Variants in DOCK1 observed in about 807,000 individuals in gnomAD.
DOCK1 encodes the protein dedicator of cytokinesis 1, also known as dedicator of cytokinesis protein 1.
In DOCK1, 138 loss-of-function variants were observed where a neutral mutation model predicts 262.7. That is an observed-to-expected ratio of 0.53 (90% CI 0.46 to 0.61). The LOEUF is 0.61. Ranked by LOEUF, DOCK1 falls within the 20% of genes least tolerant of loss-of-function variation. The probability of loss-of-function intolerance (pLI) is 0.00; values close to 1 mark genes in which losing one functional copy is unlikely to be tolerated. For synonymous variants in DOCK1, 866 were observed against 867.4 expected (o/e 1.00, Z 0.03); for missense variants, 1,908 against 2,370.7 (o/e 0.80, Z 4.05).
intron 27 of DOCK1, among the ~76,000 whole-genome samples, chr10:127,193,401 G>T (rs557546311): frequency 2.6e-5 from 4 of 152,158 alleles, no homozygotes; most frequent in African/African-American, 9.7e-5. Flanking sequence ...GTTAAAATCC[G>T]TGGTGAACCT....
Position 127,205,533 on chromosome 10 carries a change from G to A in DOCK1, c.2848-42475G>A, listed in dbSNP as rs554167809. ...TTGGCAACCACCCACTCTTGATGGC[G>A]TAAGTGGATGGAGGCAGGTGGCCAC... On this transcript the variant is annotated intron_variant, in intron 27 of 51. Transcript: ENST00000623213. Among the ~76,000 whole-genome samples, 7 of 152,320 alleles carry A rather than the reference G, an allele frequency of 4.6e-5. No individual in the cohort carries two copies. The East Asian group carries it at 5.8e-4, about 13-fold the overall frequency.
rs545155518 is a variant in DOCK1, at chr10:127,205,680, C to T, written c.2848-42328C>T. On this transcript the variant is annotated intron_variant, in intron 27 of 51. Transcript: ENST00000623213. ...ACATATTTTGTTAGTATTTAAAGGACATTTTTAAACATTGCTGAAGTGCAA... is the reference window on the plus strand; with the variant it reads ...ACATATTTTGTTAGTATTTAAAGGATATTTTTAAACATTGCTGAAGTGCAA... 2.6e-5 allele frequency among the ~76,000 whole-genome samples: 4 copies of T among 152,308 alleles called. No homozygotes were observed. In the South Asian group the frequency reaches 6.2e-4, roughly 24 times the overall value.
rs373301097 is a variant in DOCK1 at position 127,092,785 on chromosome 10, C to T, written c.2446-13446C>T. Among the ~76,000 whole-genome samples the T allele has an allele frequency of 2.6e-5, 4 of 152,116 alleles. No homozygotes were observed. In the East Asian group the frequency reaches 5.8e-4, roughly 22 times the overall value. On this transcript the variant is annotated intron_variant, in intron 23 of 51. Coordinates refer to ENST00000623213, the MANE Select transcript of DOCK1 (RefSeq NM_001290223.2). ...GGCGTGAGCCACCGCGCCCGGCAGACATTCATTTTTATTACAATTTACAAA... is the reference window on the plus strand; with the variant it reads ...GGCGTGAGCCACCGCGCCCGGCAGATATTCATTTTTATTACAATTTACAAA...
intron 6 of DOCK1, among the ~76,000 whole-genome samples, chr10:126,994,612 T>C (rs2040034698): frequency 6.6e-6 from 1 of 152,232 alleles, no homozygotes; most frequent in African/African-American, 2.4e-5. Flanking sequence ...ACACAGCACA[T>C]GTTTCAGAGA....
At chr10:127,199,255 CGT>C (rs1436871245) in intron 27 of DOCK1, among the ~76,000 whole-genome samples, 1 of 152,076 alleles carries the variant, frequency 6.6e-6, no homozygotes, top group Non-Finnish European at 1.5e-5. Context: ...AAAATATCCA[CGT>C]CTCTCTTCTT....
intron 27 of DOCK1, among the ~76,000 whole-genome samples, chr10:127,195,332 C>T (rs960703435): frequency 2.2e-4 from 34 of 152,200 alleles, no homozygotes; most frequent in Non-Finnish European, 3.8e-4. Flanking sequence ...GTTGGTTTCC[C>T]ACGCCTGTCC....
intron 27 of DOCK1, among the ~76,000 whole-genome samples, chr10:127,235,785 GTTGT>G (rs564734645): frequency 0.016 from 925 of 58,888 alleles, 15 homozygotes; most frequent in African/African-American, 0.036. Flanking sequence ...CTTTGTGGTG[GTTGT>G]TTTTTTTTTT....
intron 3 of DOCK1, among the ~76,000 whole-genome samples, chr10:126,980,358 A>T (rs2038867515): frequency 6.6e-6 from 1 of 151,874 alleles, no homozygotes; most frequent in African/African-American, 2.4e-5. Context: ...TGCCTAACTA[A>T]TTTGTAAAAA....
At chr10:127,024,989 A>T (rs926089819) in intron 15 of DOCK1, 1 of 449,928 alleles carries the variant, frequency 2.2e-6, no homozygotes, top group Non-Finnish European at 4.0e-6. Context: ...GGACGTAAAA[A>T]TAGGACGTTC....
intron 45 of DOCK1, among the ~76,000 whole-genome samples, 193 bp from the exon 46 acceptor site, chr10:127,419,473 C>T (rs1415066377): frequency 6.6e-6 from 1 of 152,226 alleles, no homozygotes; most frequent in Non-Finnish European, 1.5e-5. Context: ...CCTGTTAGCT[C>T]CACTTACAGT....
chr10:127,031,818 A>T (rs1591745998), intron 17 of DOCK1, 65 bp downstream of exon 17: 2 of 1,341,810 alleles, frequency 1.5e-6, no homozygotes, highest in East Asian at 4.6e-5. Flanking sequence ...GGGCTCCCTG[A>T]CCTGGACCAA....
chr10:126,907,459 G>A (rs1367263967), intron 1 of DOCK1, among the ~76,000 whole-genome samples: 2 of 152,094 alleles, frequency 1.3e-5, no homozygotes, highest in Non-Finnish European at 2.9e-5. Flanking sequence ...CAAGGAAGAG[G>A]TGGATTGCTT....
At chr10:126,930,148 G>A (rs1437795108) in intron 1 of DOCK1, among the ~76,000 whole-genome samples, 6 of 152,184 alleles carry the variant, frequency 3.9e-5, no homozygotes, top group African/African-American at 1.4e-4. Context: ...CCTTTCTGTG[G>A]TGGAATAGCA....
At chr10:127,338,208 G>A (rs905673044) in intron 29 of DOCK1, among the ~76,000 whole-genome samples, 1 of 152,136 alleles carries the variant, frequency 6.6e-6, no homozygotes, top group Non-Finnish European at 1.5e-5. Context: ...AAGGGAAAAG[G>A]GCCATTTAAA....
intron 33 of DOCK1, among the ~76,000 whole-genome samples, chr10:127,362,855 GTACATCCC>G (rs2064584198): frequency 4.0e-5 from 1 of 24,996 alleles, no homozygotes; most frequent in East Asian, 1.1e-3. Flanking sequence ...ACACACACAT[GTACATCCC>G]CACACACACA....
Position 126,906,118 on chromosome 10 carries a change from C to G in DOCK1, c.46+555C>G, listed in dbSNP as rs568123471. Reference sequence around the variant, plus strand: ...CCAGCGCCCCTTGCCCCTCGGCGGTCTCGCTGGGGACCGTGTGGGACCTTG... The same window carrying G: ...CCAGCGCCCCTTGCCCCTCGGCGGTGTCGCTGGGGACCGTGTGGGACCTTG... On this transcript the variant is annotated intron_variant, in intron 1 of 51. Coordinates refer to ENST00000623213, the MANE Select transcript of DOCK1 (RefSeq NM_001290223.2). Among the ~76,000 whole-genome samples the G allele has an allele frequency of 3.3e-5, 5 of 152,336 alleles. No homozygotes were observed. The East Asian group carries it at 9.7e-4, about 30-fold the overall frequency.
intron 1 of DOCK1, among the ~76,000 whole-genome samples, chr10:126,960,930 T>C (rs2037168130): frequency 6.6e-6 from 1 of 151,928 alleles, no homozygotes; most frequent in South Asian, 2.1e-4. Flanking sequence ...TACAGAGATA[T>C]TTTATTCCGA....
intron 27 of DOCK1, among the ~76,000 whole-genome samples, chr10:127,164,210 G>T (rs2053871448): frequency 9.2e-6 from 1 of 108,182 alleles, no homozygotes. Flanking sequence ...TTGAGACAGA[G>T]TCCTGCTCTG....
intron 21 of DOCK1, among the ~76,000 whole-genome samples, chr10:127,045,200 T>TCAAAA (rs754154968): frequency 3.7e-5 from 3 of 82,100 alleles, no homozygotes; most frequent in Non-Finnish European, 2.2e-5. Flanking sequence ...TCTGTCTCAA[T>TCAAAA]AAAAAAAAAA....
Sources: allele counts gnomAD v4.1 joint callset (sites outside exome capture counted in the v4.1 genomes callset), GRCh38; gene constraint gnomAD v4.1.1; transcripts MANE v1.5; gene names NCBI Gene and HGNC (gene_info 2026-07-23, HGNC 2026-07-21).